The following NTRK2 variants were observed in gnomAD, a reference collection of about 807,000 sequenced individuals.
NTRK2 encodes neurotrophic receptor tyrosine kinase 2.
A neutral mutation model predicts 94.5 loss-of-function variants in NTRK2; 13 were observed. That is an observed-to-expected ratio of 0.14 (90% CI 0.09 to 0.22). The LOEUF is 0.22. Ranked by LOEUF, NTRK2 falls within the 10% of genes least tolerant of loss-of-function variation. NTRK2 has a pLI of 1.00. For synonymous variants in NTRK2, 372 were observed against 407.4 expected, an observed-to-expected ratio of 0.91 and a Z score of 1.05; for missense variants, 639 against 1,071.2, an observed-to-expected ratio of 0.60 and a Z score of 5.63.
chr9:84,930,565 G>A lies in NTRK2; in HGVS notation c.1634-3597G>A, dbSNP rs187584555. Among the ~76,000 whole-genome samples, 4 of 152,306 alleles carry A rather than the reference G, an allele frequency of 2.6e-5. No individual in the cohort carries two copies. The East Asian group carries it at 7.7e-4, about 29-fold the overall frequency. ...GAGATGGCGTCCAATTGAGAGGCTT[G>A]GGCATCCTTGGTGCATTGCCGAGGT... On this transcript the variant is annotated intron_variant, in intron 14 of 18. Transcript: ENST00000277120.
intron 12 of NTRK2, among the ~76,000 whole-genome samples, chr9:84,782,035 A>G (rs1217728542): frequency 3.3e-5 from 2 of 60,654 alleles, no homozygotes; most frequent in East Asian, 8.3e-4. Flanking sequence ...GGCCTCCAAG[A>G]AAACACACAC....
At chr9:84,812,792 C>T (rs954108694) in intron 12 of NTRK2, 1 of 1,039,588 alleles carries the variant, frequency 9.6e-7, no homozygotes, top group Non-Finnish European at 1.2e-6. Context: ...AATATTTGTA[C>T]CCAACAGCTA....
chr9:84,802,461 A>G (rs1346004917), intron 12 of NTRK2, among the ~76,000 whole-genome samples: 5 of 152,200 alleles, frequency 3.3e-5, no homozygotes, highest in Non-Finnish European at 7.4e-5. Context: ...GCTGTGTAAA[A>G]CCACTGAGGT....
chr9:85,010,988 G>C (rs1057027997), intron 17 of NTRK2, among the ~76,000 whole-genome samples: 1 of 152,154 alleles, frequency 6.6e-6, no homozygotes. Context: ...TTCTGCCCCT[G>C]TATACACCTT....
chr9:84,912,126 T>C (rs945787276), intron 14 of NTRK2, among the ~76,000 whole-genome samples: 1 of 152,136 alleles, frequency 6.6e-6, no homozygotes, highest in Non-Finnish European at 1.5e-5. Flanking sequence ...ATGATTTCAG[T>C]TTATTTAAAT....
At chr9:84,925,309 A>G (rs927922996) in intron 14 of NTRK2, among the ~76,000 whole-genome samples, 1 of 150,980 alleles carries the variant, frequency 6.6e-6, no homozygotes, top group Non-Finnish European at 1.5e-5. Flanking sequence ...TGCTGGAGCC[A>G]TGGTGCTGTC....
intron 17 of NTRK2, among the ~76,000 whole-genome samples, chr9:84,971,997 G>A (rs147142143): frequency 6.6e-6 from 1 of 152,062 alleles, no homozygotes; most frequent in Non-Finnish European, 1.5e-5. Context: ...GATTCAGCTG[G>A]GTGCATTAAA....
At chr9:84,768,638 T>C (rs1191277582) in intron 12 of NTRK2, among the ~76,000 whole-genome samples, 1 of 152,188 alleles carries the variant, frequency 6.6e-6, no homozygotes, top group Non-Finnish European at 1.5e-5. Flanking sequence ...CAGAAATTCA[T>C]CATGACTTTT....
chr9:84,791,993 C>G lies in NTRK2; in HGVS notation c.1396+39908C>G, dbSNP rs148252361. Among the ~76,000 whole-genome samples the G allele has an allele frequency of 8.3e-3, 1,259 of 152,224 alleles. 20 individuals are homozygous for G. The highest frequency in any genetic ancestry group is 0.045 in the East Asian group (235 of 5,170). Reference sequence around the variant, plus strand: ...GTCTCTTTGTCCTGTGATTCCCCAGCCTGGGAAGAGAAAGTTATTTTTATT... The same window carrying G: ...GTCTCTTTGTCCTGTGATTCCCCAGGCTGGGAAGAGAAAGTTATTTTTATT... On this transcript the variant is annotated intron_variant, in intron 12 of 18. Transcript: ENST00000277120.
chr9:84,869,948 C>CA (rs993468081), intron 14 of NTRK2, among the ~76,000 whole-genome samples: 1 of 151,128 alleles, frequency 6.6e-6, no homozygotes, highest in African/African-American at 2.4e-5. Context: ...AGACTTTGGA[C>CA]AAAAAAATCT....
chr9:84,888,203 G>C (rs1477654781), intron 14 of NTRK2, among the ~76,000 whole-genome samples: 1 of 152,154 alleles, frequency 6.6e-6, no homozygotes, highest in African/African-American at 2.4e-5. Context: ...GAAAGGGAAG[G>C]AGAAAGAAAA....
intron 14 of NTRK2, among the ~76,000 whole-genome samples, chr9:84,885,945 C>T (rs952312718): frequency 4.6e-5 from 7 of 151,928 alleles, no homozygotes; most frequent in African/African-American, 1.2e-4. Context: ...GCAGGAGAAT[C>T]GCTTGAACCT....
At chr9:84,805,894 G>A (rs1309592093) in intron 12 of NTRK2, among the ~76,000 whole-genome samples, 1 of 152,176 alleles carries the variant, frequency 6.6e-6, no homozygotes, top group East Asian at 1.9e-4. Context: ...TTTGAACTCT[G>A]CAAAGATTTC....
intron 12 of NTRK2, among the ~76,000 whole-genome samples, chr9:84,791,392 C>T (rs1415041560): frequency 3.3e-5 from 5 of 152,108 alleles, no homozygotes; most frequent in African/African-American, 1.2e-4. Flanking sequence ...AATGAGTCAA[C>T]TGACTATTGT....
Position 85,023,073 on chromosome 9 carries a change from A to G in NTRK2, c.*1636A>G, listed in dbSNP as rs146800863. 2.1e-4 allele frequency: 49 copies of G among 233,060 alleles called. No individual in the cohort carries two copies. The highest frequency in any genetic ancestry group is 9.5e-4 in the African/African-American group (43 of 45,460). The allele number at this position is 233,060 out of a possible 1,614,324, so 14.4% of individuals were successfully genotyped here. A position where few individuals can be genotyped will look rare whatever the true frequency, so the allele number is the denominator to read the frequency against. On this transcript the variant is annotated 3_prime_UTR_variant, in exon 19 of 19. Coordinates refer to ENST00000277120, the MANE Select transcript of NTRK2 (RefSeq NM_006180.6). ...ATACAAAATTTGGCACAGCATGCCA[A>G]CGGGAGGCTGTGCCCAGACCAAGCA...
intron 14 of NTRK2, among the ~76,000 whole-genome samples, chr9:84,906,183 G>C (rs1036633881): frequency 1.3e-5 from 2 of 152,082 alleles, no homozygotes; most frequent in Admixed American, 6.6e-5. Context: ...AATGTGTAAA[G>C]AGGAAAAAAT....
At chr9:84,766,447 G>A (rs746606862) in intron 12 of NTRK2, among the ~76,000 whole-genome samples, 21 of 152,188 alleles carry the variant, frequency 1.4e-4, no homozygotes, top group South Asian at 4.2e-4. Context: ...ACTTGGATAC[G>A]ACAGAAATTG....
chr9:84,878,514 G>A (rs1377278266), intron 14 of NTRK2, among the ~76,000 whole-genome samples: 3 of 151,806 alleles, frequency 2.0e-5, no homozygotes, highest in African/African-American at 7.3e-5. Context: ...CATGCCAGTA[G>A]TCCCAGCTAC....
At chr9:84,715,826 A>T (rs1305339013) in intron 6 of NTRK2, among the ~76,000 whole-genome samples, 1 of 152,176 alleles carries the variant, frequency 6.6e-6, no homozygotes, top group African/African-American at 2.4e-5. Flanking sequence ...GATTTTCAGC[A>T]GTTAGTCTTG....
Sources: allele counts gnomAD v4.1 joint callset (sites outside exome capture counted in the v4.1 genomes callset), GRCh38; gene constraint gnomAD v4.1.1; transcripts MANE v1.5; gene names NCBI Gene and HGNC (gene_info 2026-07-23, HGNC 2026-07-21).